Variants in GRM5 observed in about 807,000 individuals in gnomAD.
GRM5 encodes the protein metabotropic glutamate receptor 5.
GRM5 carries 19 observed loss-of-function variants against 83.1 expected under a neutral mutation model. The observed-to-expected ratio is 0.23, with a 90% CI of 0.16 to 0.34. GRM5 has a LOEUF of 0.34. GRM5 is among the 10% of genes least tolerant of loss of function. The probability of loss-of-function intolerance (pLI) is 1.00; values close to 1 mark genes in which losing one functional copy is unlikely to be tolerated. For synonymous variants in GRM5, 675 were observed against 633.6 expected, an observed-to-expected ratio of 1.07 and a Z score of -0.98; for missense variants, 1,160 against 1,588.3, an observed-to-expected ratio of 0.73 and a Z score of 4.58.
At chr11:88,745,022 A>C (rs1942104108) in intron 3 of GRM5, among the ~76,000 whole-genome samples, 1 of 152,120 alleles carries the variant, frequency 6.6e-6, no homozygotes, top group African/African-American at 2.4e-5. Flanking sequence ...ACTCAATTAT[A>C]ATTGTTATAT....
In GRM5 at chr11:88,759,825, C is replaced by A. The variant is rs140464855; in HGVS notation, c.911+90081G>T. Among the ~76,000 whole-genome samples, 450 of 152,156 alleles carry A rather than the reference C, an allele frequency of 3.0e-3. 3 individuals are homozygous for A. Among genetic ancestry groups the A allele is most frequent in the African/African-American group, 0.01 (431 of 41,538 alleles). The stretch of plus-strand genomic sequence containing the variant: ...TTTTAAAACTGACCACATAATCAGA[C>A]ATAAAACACCCCTCAGCAAATGCAA... On this transcript the variant is annotated intron_variant, in intron 3 of 9. Transcript: ENST00000305447.
At chr11:88,833,907 G>T (rs1234109031) in intron 3 of GRM5, among the ~76,000 whole-genome samples, 7 of 152,042 alleles carry the variant, frequency 4.6e-5, no homozygotes, top group African/African-American at 9.7e-5. Context: ...ACATATGTGG[G>T]ACCAAAAAAA....
intron 3 of GRM5, among the ~76,000 whole-genome samples, chr11:88,719,525 A>C (rs957049031): frequency 1.3e-5 from 2 of 152,058 alleles, no homozygotes; most frequent in African/African-American, 4.8e-5. Flanking sequence ...ATGAACACAC[A>C]TGTGCATGTG....
chr11:88,752,147 G>A (rs1242418895), intron 3 of GRM5, among the ~76,000 whole-genome samples: 1 of 152,100 alleles, frequency 6.6e-6, no homozygotes, highest in East Asian at 1.9e-4. Flanking sequence ...CAAATAGGAA[G>A]AGAAAAAGTC....
intron 2 of GRM5, among the ~76,000 whole-genome samples, chr11:89,001,392 T>C (rs1345886470): frequency 3.3e-5 from 5 of 152,134 alleles, no homozygotes; most frequent in Non-Finnish European, 4.4e-5. Flanking sequence ...GAGATATTGA[T>C]ACAGCCAACA....
chr11:88,989,895 C>T (rs958030644), intron 2 of GRM5, among the ~76,000 whole-genome samples: 30 of 151,720 alleles, frequency 2.0e-4, no homozygotes, highest in African/African-American at 5.6e-4. Context: ...ACTAAATGCC[C>T]ACAAGAGAAA....
intron 2 of GRM5, among the ~76,000 whole-genome samples, chr11:88,995,150 G>A (rs1012909928): frequency 1.3e-5 from 2 of 152,216 alleles, no homozygotes; most frequent in African/African-American, 2.4e-5. Context: ...AATTTGAGGA[G>A]AGAATAGGAG....
intron 3 of GRM5, among the ~76,000 whole-genome samples, chr11:88,758,561 C>T (rs963321882): frequency 6.6e-6 from 1 of 152,024 alleles, no homozygotes; most frequent in Non-Finnish European, 1.5e-5. Context: ...TAAAAAGGAA[C>T]AAACAAAACT....
intron 2 of GRM5, among the ~76,000 whole-genome samples, chr11:88,967,252 T>TATATATATATATATATATATACAC (rs1555050448): frequency 5.0e-4 from 8 of 16,150 alleles, no homozygotes; most frequent in South Asian, 6.1e-3. Context: ...TATACACATA[T>TATATATATATATATATATATACAC]ATATATATAT....
chr11:88,760,190 A>T (rs77012213), intron 3 of GRM5, among the ~76,000 whole-genome samples: 1 of 152,192 alleles, frequency 6.6e-6, no homozygotes, highest in Non-Finnish European at 1.5e-5. Context: ...AACCAATCCC[A>T]AAGCTAGCAG....
intron 4 of GRM5, among the ~76,000 whole-genome samples, chr11:88,620,488 A>G (rs1395098340): frequency 6.6e-6 from 1 of 152,190 alleles, no homozygotes; most frequent in Non-Finnish European, 1.5e-5. Flanking sequence ...TGATGGTTGA[A>G]GGTGGAATAG....
intron 9 of GRM5, among the ~76,000 whole-genome samples, chr11:88,514,148 C>G (rs12791814): frequency 1.1e-4 from 17 of 152,254 alleles, no homozygotes; most frequent in South Asian, 6.2e-4. Flanking sequence ...ACGTCTTGCT[C>G]TCTTCCAGGC....
At chr11:88,885,720 C>G (rs1945033964) in intron 2 of GRM5, among the ~76,000 whole-genome samples, 1 of 151,894 alleles carries the variant, frequency 6.6e-6, no homozygotes, top group South Asian at 2.1e-4. Flanking sequence ...AAAGAAATCA[C>G]TTAGGGAGAT....
At chr11:88,560,188 C>T (rs1394116157) in intron 8 of GRM5, among the ~76,000 whole-genome samples, 3 of 152,158 alleles carry the variant, frequency 2.0e-5, no homozygotes, top group Non-Finnish European at 4.4e-5. Flanking sequence ...CTTTATGGCT[C>T]TATCCTGTCC....
At chr11:88,945,338 A>G (rs1270533098) in intron 2 of GRM5, among the ~76,000 whole-genome samples, 1 of 152,124 alleles carries the variant, frequency 6.6e-6, no homozygotes, top group Non-Finnish European at 1.5e-5. Context: ...CTATAGATTC[A>G]ATGTTACTCT....
At chr11:88,606,924 TTTTC>T (rs1938159629) in intron 4 of GRM5, among the ~76,000 whole-genome samples, 1 of 151,232 alleles carries the variant, frequency 6.6e-6, no homozygotes, top group Admixed American at 6.6e-5. Context: ...GGAAGAAATG[TTTTC>T]TTTAAGAAAG....
intron 2 of GRM5, among the ~76,000 whole-genome samples, chr11:89,000,173 G>T (rs1022835532): frequency 1.8e-4 from 27 of 152,054 alleles, no homozygotes; most frequent in African/African-American, 5.8e-4. Context: ...CACCAACATG[G>T]CACATGTATA....
At chr11:88,897,677 G>A (rs186650401) in intron 2 of GRM5, among the ~76,000 whole-genome samples, 1 of 151,912 alleles carries the variant, frequency 6.6e-6, no homozygotes, top group East Asian at 1.9e-4. Flanking sequence ...ATTCTACAAT[G>A]CATAGGAAAG....
intron 2 of GRM5, among the ~76,000 whole-genome samples, chr11:88,970,579 T>C (rs1939136941): frequency 6.6e-6 from 1 of 152,192 alleles, no homozygotes; most frequent in East Asian, 1.9e-4. Context: ...AACATTAAAC[T>C]GAAAGTAATT....
Sources: allele counts gnomAD v4.1 joint callset (sites outside exome capture counted in the v4.1 genomes callset), GRCh38; gene constraint gnomAD v4.1.1; transcripts MANE v1.5; gene names NCBI Gene and HGNC (gene_info 2026-07-23, HGNC 2026-07-21).